LRP2: variants seen among roughly 807,000 people sequenced by gnomAD.
LRP2 encodes low-density lipoprotein receptor-related protein 2.
Under a neutral mutation model 531.0 loss-of-function variants are expected in LRP2, and 172 were observed. The ratio of observed to expected loss-of-function variants is 0.32; its 90% CI spans 0.29 to 0.37. The LOEUF (loss-of-function observed/expected upper bound fraction) is 0.37. LRP2 is among the 10% of genes least tolerant of loss of function. The pLI, the probability that LRP2 is intolerant of heterozygous loss-of-function variation, is 1.00. For missense variants in LRP2, 5,167 were observed against 5,868.3 expected (o/e 0.88, Z 3.90); for synonymous variants, 1,992 against 2,027.6 (o/e 0.98, Z 0.47).
chr2:169,350,501 A>T (rs1362188905), intron 1 of LRP2, among the ~76,000 whole-genome samples: 2 of 152,006 alleles, frequency 1.3e-5, no homozygotes, highest in African/African-American at 4.8e-5. Context: ...AGGGAGGAGG[A>T]TGACTTGAGG....
At chr2:169,202,328 T>C (rs941037823) in intron 43 of LRP2, among the ~76,000 whole-genome samples, 1 of 152,200 alleles carries the variant, frequency 6.6e-6, no homozygotes, top group Non-Finnish European at 1.5e-5. Flanking sequence ...TTTGAAATAA[T>C]GACCTTTGTG....
intron 35 of LRP2, among the ~76,000 whole-genome samples, chr2:169,214,670 G>A (rs1688714228): frequency 6.6e-6 from 1 of 152,170 alleles, no homozygotes; most frequent in Non-Finnish European, 1.5e-5. Context: ...AGGAGAGAGT[G>A]GAGAGAGTGG....
intron 61 of LRP2, among the ~76,000 whole-genome samples, chr2:169,168,018 A>AAAATATATATATATATAT (rs1553488719): frequency 1.5e-5 from 1 of 68,186 alleles, no homozygotes; most frequent in Non-Finnish European, 2.9e-5. Flanking sequence ...CAGGGTTTAA[A>AAAATATATATATATATAT]ATATATATAT....
intron 32 of LRP2, 101 bp downstream of exon 32, chr2:169,226,309 TCCACATTGTTTC>T: frequency 1.2e-6 from 1 of 847,786 alleles, no homozygotes; most frequent in Non-Finnish European, 1.9e-6. Context: ...TAAATTTATT[TCCACATTGTTTC>T]CCTTTTACTC....
intron 3 of LRP2, among the ~76,000 whole-genome samples, chr2:169,312,455 C>T (rs1485695356): frequency 1.3e-5 from 2 of 152,124 alleles, no homozygotes; most frequent in Non-Finnish European, 2.9e-5. Context: ...TTGTCCTTCA[C>T]TTATGAAGCT....
rs1414612679 is a variant in LRP2, at chr2:169,207,189, A to G, written c.6531T>C (p.Asn2177=). The G allele has an allele frequency of 6.2e-7, 1 of 1,613,970 alleles. No individual in the cohort carries two copies. The highest frequency in any genetic ancestry group is 8.5e-7 in the Non-Finnish European group (1 of 1,179,992). ...TAAGAAGAACACGGCGGTAAGTAGTATTGATCCGCAGAACTTCTATCAGTG... is the reference window on the plus strand; with the variant it reads ...TAAGAAGAACACGGCGGTAAGTAGTGTTGATCCGCAGAACTTCTATCAGTG... ...SETLIEVLRI[N]TTYRRVLLKV... is the part of the protein sequence containing the mutation. The change falls in exon 39 of 79, where the codon AAT becomes AAC. Residue 2177 remains asparagine (N), a synonymous_variant. Transcript: ENST00000649046.
rs557704395 is a variant in LRP2 at position 169,303,226 on chromosome 2, A to G, written c.427+4055T>C. 1.1e-4 allele frequency among the ~76,000 whole-genome samples: 16 copies of G among 152,330 alleles called. No individual in the cohort carries two copies. The South Asian group carries it at 3.3e-3, about 32-fold the overall frequency. ...CCATACTAAAAAAGGTTTAGACAATAATATGTAAAAATAATAAAATAGCTA... is the reference window on the plus strand; with the variant it reads ...CCATACTAAAAAAGGTTTAGACAATGATATGTAAAAATAATAAAATAGCTA... On this transcript the variant is annotated intron_variant, in intron 4 of 78. Coordinates refer to ENST00000649046, the MANE Select transcript of LRP2 (RefSeq NM_004525.3).
chr2:169,231,373 G>T (rs1319023197), intron 31 of LRP2, among the ~76,000 whole-genome samples: 2 of 151,738 alleles, frequency 1.3e-5, no homozygotes, highest in Non-Finnish European at 2.9e-5. Context: ...AAATGAAGCT[G>T]TACACAAACG....
chr2:169,206,010 G>A lies in LRP2; in HGVS notation c.7556+13C>T. The stretch of plus-strand genomic sequence containing the variant: ...AAGCAGACAGAAATATAACAAGGAA[G>A]ATGATGGCATACCCTTGGCAGGGAT... On this transcript the variant is annotated intron_variant, in intron 40 of 78. Transcript: ENST00000649046. The A allele has an allele frequency of 6.2e-7, 1 of 1,614,162 alleles. No homozygotes were observed. Among genetic ancestry groups the A allele is most frequent in the Non-Finnish European group, 8.5e-7 (1 of 1,180,004 alleles).
chr2:169,220,980 T>TA (rs1246651191), intron 33 of LRP2, among the ~76,000 whole-genome samples: 2 of 152,116 alleles, frequency 1.3e-5, no homozygotes, highest in African/African-American at 4.8e-5. Context: ...GGTGGCCAGT[T>TA]ACTGCCAACA....
chr2:169,180,532 G>A (rs1182138044), intron 52 of LRP2, among the ~76,000 whole-genome samples: 2 of 152,236 alleles, frequency 1.3e-5, no homozygotes, highest in Non-Finnish European at 2.9e-5. Flanking sequence ...AGCACAGGAA[G>A]AAAGAGCACT....
rs1408310632 is a variant in LRP2, at chr2:169,128,829, A to G, written c.13802T>C (p.Met4601Thr). The G allele has an allele frequency of 1.9e-6, 3 of 1,614,094 alleles. No individual in the cohort carries two copies. Among genetic ancestry groups the G allele is most frequent in the East Asian group, 2.2e-5 (1 of 44,874 alleles). ...TNFENPIYAQ[M>T]ENEQKESVAA... ...AACACTTTCCTTTTGCTCGTTCTCC[A>G]TCTAAGAATACAATGTAACAGGAAT... The change falls in exon 79 of 79, where the codon ATG (methionine) becomes ACG (threonine). Residue 4601 changes from methionine (M) to threonine (T), a missense_variant and splice_region_variant. Met to Thr is a moderately conservative substitution (Grantham distance 81). Transcript: ENST00000649046.
At chr2:169,304,650 C>T (rs1684367863) in intron 4 of LRP2, among the ~76,000 whole-genome samples, 2 of 152,160 alleles carry the variant, frequency 1.3e-5, no homozygotes, top group African/African-American at 2.4e-5. Flanking sequence ...ACACACGCTA[C>T]CATCTCTAAA....
Position 169,215,842 on chromosome 2 carries a change from A to G in LRP2, c.5826+411T>C, listed in dbSNP as rs1288331050. ...TAGATACATACTCTATATTTTTTAT[A>G]TATATATTCTCTCCATATATATAGG... is the stretch of plus-strand genomic sequence containing the variant. On this transcript the variant is annotated intron_variant, in intron 35 of 78. Coordinates refer to ENST00000649046, the MANE Select transcript of LRP2 (RefSeq NM_004525.3). Among the ~76,000 whole-genome samples the G allele has an allele frequency of 2.0e-5, 3 of 149,240 alleles. No individual in the cohort carries two copies. The Admixed American group carries it at 2.0e-4, about 10-fold the overall frequency.
In LRP2 at chr2:169,254,250, C is replaced by T. The variant is rs1305372208; in HGVS notation, c.2770+1856G>A. Among the ~76,000 whole-genome samples the T allele has an allele frequency of 3.3e-4, 24 of 71,884 alleles. 7 individuals are homozygous for T. Among genetic ancestry groups the T allele is most frequent in the Non-Finnish European group, 2.5e-5 (1 of 40,780 alleles). The allele number at this position is 71,884 out of a possible 152,430, so 47.2% of individuals were successfully genotyped here. A position where few individuals can be genotyped will look rare whatever the true frequency, so the allele number is the denominator to read the frequency against. On this transcript the variant is annotated intron_variant, in intron 19 of 78. Coordinates refer to ENST00000649046, the MANE Select transcript of LRP2 (RefSeq NM_004525.3). ...AAAGACTTGGAACCAACCCAAATGT[C>T]CAACAATGATAGACTGGATTAAGAA...
intron 67 of LRP2, among the ~76,000 whole-genome samples, chr2:169,152,070 A>G (rs1304065826): frequency 1.3e-5 from 2 of 152,198 alleles, no homozygotes; most frequent in Non-Finnish European, 2.9e-5. Context: ...CACCAATGTA[A>G]GTCAGTGCAA....
chr2:169,299,091 GAAAGAAA>G (rs1684207078), intron 4 of LRP2, among the ~76,000 whole-genome samples: 1 of 2,456 alleles, frequency 4.1e-4, no homozygotes, highest in African/African-American at 1.1e-3. Context: ...AAGAAGGAAA[GAAAGAAA>G]GAAAGAAAGA....
chr2:169,206,893 C>T lies in LRP2; in HGVS notation c.6827G>A (p.Arg2276His), dbSNP rs773816500. ...AGTGATGCCATAAGGAGTTGGGTAACGACTGCCATAACGAATCACTTCAGA... is the reference window on the plus strand; with the variant it reads ...AGTGATGCCATAAGGAGTTGGGTAATGACTGCCATAACGAATCACTTCAGA... ...ENSEVIRYGS[R>H]YPTPYGITVF... Residue 2276 changes from arginine (R) to histidine (H), a missense_variant, in exon 39 of 79, where the codon CGT becomes CAT. Physicochemically the swap from Arg to His is conservative, Grantham distance 29. Around this residue, in one of 6 missense-constraint regions of LRP2, gnomAD observed 2,811 missense variants for 3,058.0 expected, o/e 0.92. Coordinates refer to ENST00000649046, the MANE Select transcript of LRP2 (RefSeq NM_004525.3). The T allele has an allele frequency of 1.9e-5, 30 of 1,614,122 alleles. No individual in the cohort carries two copies. Among genetic ancestry groups the T allele is most frequent in the East Asian group, 6.7e-5 (3 of 44,886 alleles).
Position 169,271,012 on chromosome 2 carries a change from C to G in LRP2, c.2212G>C (p.Gly738Arg). ...ATCCCGACAAAGAAAGAAGGATTCCCCGAAACTGGAACCATGACATCTTCC... is the reference window on the plus strand; with the variant it reads ...ATCCCGACAAAGAAAGAAGGATTCCGCGAAACTGGAACCATGACATCTTCC... ...TQEDVMVPVSGNPSFFVGIDF... is the reference protein window; with the variant it reads ...TQEDVMVPVSRNPSFFVGIDF... The change falls in exon 16 of 79, where the codon GGG (glycine) becomes CGG (arginine). Residue 738 changes from glycine (G) to arginine (R), a missense_variant. By Grantham distance (125) the Gly-to-Arg change is moderately radical. Around this residue, in one of 6 missense-constraint regions of LRP2, gnomAD observed 2,811 missense variants for 3,058.0 expected, o/e 0.92. Transcript: ENST00000649046. 2 of 1,613,240 alleles carry G rather than the reference C, an allele frequency of 1.2e-6. No individual in the cohort carries two copies. The highest frequency in any genetic ancestry group is 1.7e-6 in the Non-Finnish European group (2 of 1,179,552).
Sources: allele counts gnomAD v4.1 joint callset (sites outside exome capture counted in the v4.1 genomes callset), GRCh38; gene constraint gnomAD v4.1.1; regional missense constraint gnomAD v4.1.1; transcripts MANE v1.5; gene names NCBI Gene and HGNC (gene_info 2026-07-23, HGNC 2026-07-21).